Variants in PDE4D observed in about 807,000 individuals in gnomAD.
The protein encoded by PDE4D is phosphodiesterase 4D.
Under a neutral mutation model 87.4 loss-of-function variants are expected in PDE4D, and 24 were observed. The observed-to-expected ratio is 0.27, with a 90% confidence interval of 0.20 to 0.39. The LOEUF (loss-of-function observed/expected upper bound fraction) is 0.39. PDE4D is among the 10% of genes least tolerant of loss of function. The probability of loss-of-function intolerance (pLI) is 1.00; values close to 1 mark genes in which losing one functional copy is unlikely to be tolerated. For missense variants in PDE4D, 714 were observed against 1,041.0 expected, an observed-to-expected ratio of 0.69 and a Z score of 4.32; for synonymous variants, 384 against 383.2, an observed-to-expected ratio of 1.00 and a Z score of -0.02.
chr5:59,588,460 T>C (rs1334585991), intron 1 of PDE4D, among the ~76,000 whole-genome samples: 1 of 152,180 alleles, frequency 6.6e-6, no homozygotes, highest in Non-Finnish European at 1.5e-5. Flanking sequence ...TTAAAAAGGC[T>C]TTTACGCAAT....
chr5:59,552,613 T>C (rs1818305682), intron 1 of PDE4D, among the ~76,000 whole-genome samples: 2 of 152,218 alleles, frequency 1.3e-5, no homozygotes, highest in African/African-American at 4.8e-5. Flanking sequence ...GCTATTTCAC[T>C]GCATCCTTTT....
intron 5 of PDE4D, among the ~76,000 whole-genome samples, chr5:59,106,716 C>T (rs1249585171): frequency 1.3e-5 from 2 of 152,172 alleles, no homozygotes; most frequent in South Asian, 2.1e-4. Context: ...GCTGAGATCG[C>T]GCCATTGCAC....
chr5:58,999,549 A>G, intron 6 of PDE4D: 2 of 1,250,528 alleles, frequency 1.6e-6, no homozygotes, highest in Non-Finnish European at 2.1e-6. Flanking sequence ...TTGATTGATT[A>G]TATGTATATA....
intron 1 of PDE4D, among the ~76,000 whole-genome samples, chr5:59,502,243 C>T (rs1808413592): frequency 6.6e-6 from 1 of 152,098 alleles, no homozygotes. Context: ...CTGTGGTCAA[C>T]AAAATACCTA....
chr5:60,277,128 CA>C (rs1407341456), intron 1 of PDE4D, among the ~76,000 whole-genome samples: 1 of 151,420 alleles, frequency 6.6e-6, no homozygotes, highest in African/African-American at 2.4e-5. Context: ...TATACATATA[CA>C]TAATAAAATG....
At chr5:59,242,363 A>G (rs1354102598) in intron 1 of PDE4D, among the ~76,000 whole-genome samples, 1 of 152,156 alleles carries the variant, frequency 6.6e-6, no homozygotes, top group Non-Finnish European at 1.5e-5. Context: ...TCACTATTCT[A>G]TTTTTGATAA....
At chr5:59,889,499 A>C (rs1177389978) in intron 1 of PDE4D, among the ~76,000 whole-genome samples, 1 of 152,122 alleles carries the variant, frequency 6.6e-6, no homozygotes, top group Non-Finnish European at 1.5e-5. Flanking sequence ...CAATAAATAT[A>C]AATAGATAAA....
intron 1 of PDE4D, among the ~76,000 whole-genome samples, chr5:59,447,272 T>G (rs1271941433): frequency 6.6e-6 from 1 of 152,238 alleles, no homozygotes; most frequent in Non-Finnish European, 1.5e-5. Flanking sequence ...ACCTTCTAGT[T>G]ATTCTTCAAG....
intron 5 of PDE4D, among the ~76,000 whole-genome samples, chr5:59,174,688 C>CA (rs1249965853): frequency 6.6e-6 from 1 of 152,098 alleles, no homozygotes; most frequent in Non-Finnish European, 1.5e-5. Context: ...ATTAATACTT[C>CA]ATTTACTTTC....
At chr5:60,148,868 G>C (rs1341942553) in intron 2 of PDE4D, among the ~76,000 whole-genome samples, 1 of 152,162 alleles carries the variant, frequency 6.6e-6, no homozygotes, top group Non-Finnish European at 1.5e-5. Context: ...AAAAATTCCT[G>C]TATGGGAAAC....
intron 1 of PDE4D, among the ~76,000 whole-genome samples, chr5:59,883,899 A>T (rs919013295): frequency 6.6e-6 from 1 of 152,030 alleles, no homozygotes; most frequent in African/African-American, 2.4e-5. Context: ...CTTTTACTAA[A>T]TTTTTTTATG....
intron 1 of PDE4D, among the ~76,000 whole-genome samples, chr5:59,496,206 G>A (rs1367308394): frequency 1.3e-5 from 2 of 152,046 alleles, no homozygotes; most frequent in Non-Finnish European, 2.9e-5. Context: ...TCTGCTGGAC[G>A]GCCTGCCAGG....
At chr5:59,499,586 G>A (rs993507531) in intron 1 of PDE4D, among the ~76,000 whole-genome samples, 9 of 151,888 alleles carry the variant, frequency 5.9e-5, no homozygotes, top group African/African-American at 1.9e-4. Context: ...AATGACAAAA[G>A]TGACATCACA....
At chr5:59,771,502 G>GA (rs1763536043) in intron 1 of PDE4D, among the ~76,000 whole-genome samples, 3 of 118,918 alleles carry the variant, frequency 2.5e-5, no homozygotes, top group Non-Finnish European at 5.3e-5. Flanking sequence ...AGAGAGAGAA[G>GA]AAAGAAAGAA....
chr5:59,165,912 G>A (rs1161209090), intron 5 of PDE4D, among the ~76,000 whole-genome samples: 4 of 151,814 alleles, frequency 2.6e-5, no homozygotes, highest in Admixed American at 2.0e-4. Context: ...AACAGTTGTG[G>A]GGATCTCACT....
intron 1 of PDE4D, among the ~76,000 whole-genome samples, chr5:59,632,341 C>T (rs1831682759): frequency 6.6e-6 from 1 of 152,198 alleles, no homozygotes; most frequent in South Asian, 2.1e-4. Flanking sequence ...ATGTTCCTGC[C>T]TGCCAGCTCT....
At chr5:60,395,108 G>A (rs16877986) in intron 1 of PDE4D, among the ~76,000 whole-genome samples, 11,255 of 152,112 alleles carry the variant, frequency 0.074, 662 homozygotes, top group African/African-American at 0.17. Context: ...GTACAGGTGC[G>A]GTGGGATTCT....
chr5:59,185,223 C>T lies in PDE4D; in HGVS notation c.724G>A (p.Ala242Thr). 6.2e-7 allele frequency: 1 copy of T among 1,612,786 alleles called. No individual in the cohort carries two copies. Among genetic ancestry groups the T allele is most frequent in the Non-Finnish European group, 8.5e-7 (1 of 1,179,112 alleles). Reference protein sequence around the residue: ...SLRTVRNNFAALTNLQDRAPS... With the variant: ...SLRTVRNNFATLTNLQDRAPS... ...GCTCGATCTTGCAAATTAGTTAATG[C>T]AGCAAAGTTGTTTCGTACAGTTCGC... Residue 242 changes from alanine to threonine, a missense_variant, in exon 4 of 15, where the codon GCA (alanine) becomes ACA (threonine). Physicochemically the swap from Ala to Thr is moderately conservative, Grantham distance 58 (BLOSUM62 0). Around this residue, in one of 7 missense-constraint regions of PDE4D, gnomAD observed 90 missense variants for 177.6 expected, o/e 0.51. Coordinates refer to ENST00000340635, the MANE Select transcript of PDE4D (RefSeq NM_001104631.2).
chr5:59,604,670 T>C (rs1258396477), intron 1 of PDE4D, among the ~76,000 whole-genome samples: 1 of 152,142 alleles, frequency 6.6e-6, no homozygotes, highest in African/African-American at 2.4e-5. Context: ...TGAAAAGATC[T>C]TCAATCTCAC....
Sources: allele counts gnomAD v4.1 joint callset (sites outside exome capture counted in the v4.1 genomes callset), GRCh38; gene constraint gnomAD v4.1.1; regional missense constraint gnomAD v4.1.1; transcripts MANE v1.5; gene names NCBI Gene and HGNC (gene_info 2026-07-23, HGNC 2026-07-21).